The following LDB2 variants were observed in gnomAD, a reference collection of about 807,000 sequenced individuals.
The protein encoded by LDB2 is LIM domain binding 2, also known as LIM domain-binding protein 2.
A neutral mutation model predicts 44.3 loss-of-function variants in LDB2; 12 were observed. The ratio of observed to expected loss-of-function variants is 0.27; its 90% CI spans 0.17 to 0.44. The LOEUF is 0.44. Among genes scored for constraint, LDB2 ranks in the 20% least tolerant of loss-of-function variants. The pLI is 1.00. For missense variants in LDB2, 344 were observed against 473.5 expected (o/e 0.73, Z 2.54); for synonymous variants, 164 against 174.8 (o/e 0.94, Z 0.49).
chr4:16,684,649 G>C (rs1748761226), intron 2 of LDB2, among the ~76,000 whole-genome samples: 1 of 152,134 alleles, frequency 6.6e-6, no homozygotes, highest in Non-Finnish European at 1.5e-5. Context: ...GAAAAGTCTA[G>C]ATCTAATATA....
chr4:16,736,870 C>A (rs1762011469), intron 2 of LDB2, among the ~76,000 whole-genome samples: 1 of 152,068 alleles, frequency 6.6e-6, no homozygotes, highest in Admixed American at 6.5e-5. Context: ...AAAACCCGAA[C>A]CAGAAACACA....
At chr4:16,837,100 G>T (rs1485344172) in intron 1 of LDB2, among the ~76,000 whole-genome samples, 1 of 152,164 alleles carries the variant, frequency 6.6e-6, no homozygotes, top group African/African-American at 2.4e-5. Context: ...GAATTATTCA[G>T]TTCAGTGTTA....
At chr4:16,622,677 T>C (rs754230176) in intron 2 of LDB2, among the ~76,000 whole-genome samples, 5 of 152,212 alleles carry the variant, frequency 3.3e-5, no homozygotes, top group Non-Finnish European at 7.4e-5. Flanking sequence ...TATTTTTTAA[T>C]AGTCCAGTAG....
intron 1 of LDB2, among the ~76,000 whole-genome samples, chr4:16,868,795 T>A (rs1715533363): frequency 2.0e-5 from 3 of 152,138 alleles, no homozygotes; most frequent in Admixed American, 6.5e-5. Context: ...TTTCTTCTCA[T>A]AGGATGATGA....
intron 2 of LDB2, among the ~76,000 whole-genome samples, chr4:16,640,978 T>C (rs760709209): frequency 3.3e-5 from 5 of 152,162 alleles, no homozygotes; most frequent in Non-Finnish European, 7.3e-5. Flanking sequence ...CTTGTCCCCA[T>C]GATGATTACC....
At chr4:16,513,703 T>C (rs1342695027) in intron 5 of LDB2, among the ~76,000 whole-genome samples, 2 of 152,182 alleles carry the variant, frequency 1.3e-5, no homozygotes, top group African/African-American at 4.8e-5. Flanking sequence ...TATACCCCTG[T>C]TGGGGCTCAG....
chr4:16,852,568 T>C (rs1431857659), intron 1 of LDB2, among the ~76,000 whole-genome samples: 2 of 152,204 alleles, frequency 1.3e-5, no homozygotes, highest in East Asian at 3.8e-4. Flanking sequence ...CATCAGAATA[T>C]ATAGCATGAA....
chr4:16,511,997 C>T lies in LDB2; in HGVS notation c.723G>A (p.Arg241=). 1 of 1,613,304 alleles carries T rather than the reference C, an allele frequency of 6.2e-7. No homozygotes were observed. The highest frequency in any genetic ancestry group is 1.1e-5 in the South Asian group (1 of 90,964). The change falls in exon 6 of 8, where the codon AGG becomes AGA. Residue 241 remains arginine (R), a synonymous_variant. Transcript: ENST00000304523. ...LKTCLFQKWQ[R]MVAPPAEPTR... is the part of the protein sequence containing the mutation. The stretch of plus-strand genomic sequence containing the variant: ...AGGGTGTACCTGGCGGAGCCACCAT[C>T]CTCTGCCACTTCTGAAACAAGCAGG...
Position 16,885,004 on chromosome 4 carries a change from G to A in LDB2, c.132+13350C>T, listed in dbSNP as rs1310965542. ...CTATGGGAGAGGACATAATCTTATTGTACAACCTATGTTGTACTAGAAGCA... is the reference window on the plus strand; with the variant it reads ...CTATGGGAGAGGACATAATCTTATTATACAACCTATGTTGTACTAGAAGCA... On this transcript the variant is annotated intron_variant, in intron 1 of 7. Coordinates refer to ENST00000304523, the MANE Select transcript of LDB2 (RefSeq NM_001290.5). 2.0e-5 allele frequency among the ~76,000 whole-genome samples: 3 copies of A among 152,004 alleles called. No homozygotes were observed. The East Asian group carries it at 5.8e-4, about 29-fold the overall frequency.
intron 2 of LDB2, among the ~76,000 whole-genome samples, chr4:16,757,377 G>A (rs1159142615): frequency 6.6e-6 from 1 of 152,120 alleles, no homozygotes; most frequent in Non-Finnish European, 1.5e-5. Context: ...AAGAGGCCTG[G>A]GCAACAATGG....
chr4:16,789,336 C>T lies in LDB2; in HGVS notation c.133-30076G>A, dbSNP rs188507360. 2.6e-4 allele frequency among the ~76,000 whole-genome samples: 40 copies of T among 152,302 alleles called. No homozygotes were observed. The South Asian group carries it at 2.7e-3, about 10-fold the overall frequency. ...GGCCTACGATGAGTCAGATGTTGAA[C>T]TAGGAGATGGAGGAAAATGCAGTGA... On this transcript the variant is annotated intron_variant, in intron 1 of 7. Coordinates refer to ENST00000304523, the MANE Select transcript of LDB2 (RefSeq NM_001290.5).
At chr4:16,707,147 A>C (rs1010031200) in intron 2 of LDB2, among the ~76,000 whole-genome samples, 1 of 152,208 alleles carries the variant, frequency 6.6e-6, no homozygotes, top group African/African-American at 2.4e-5. Flanking sequence ...CTTAAAAAAA[A>C]TTGATGAAAT....
chr4:16,705,323 T>C (rs1482486491), intron 2 of LDB2, among the ~76,000 whole-genome samples: 1 of 152,050 alleles, frequency 6.6e-6, no homozygotes, highest in Non-Finnish European at 1.5e-5. Flanking sequence ...ATAGGCAGGG[T>C]CTATTTTTTC....
intron 1 of LDB2, among the ~76,000 whole-genome samples, chr4:16,767,033 AG>A (rs1411225025): frequency 6.6e-6 from 1 of 152,202 alleles, no homozygotes; most frequent in East Asian, 1.9e-4. Flanking sequence ...GCCTAGACAT[AG>A]GGTTTGTACC....
At chr4:16,872,903 A>C (rs1193490731) in intron 1 of LDB2, among the ~76,000 whole-genome samples, 2 of 152,214 alleles carry the variant, frequency 1.3e-5, no homozygotes, top group Admixed American at 1.3e-4. Flanking sequence ...ACTATATTCA[A>C]AGCAAGGCTG....
chr4:16,576,335 T>G (rs1430409258), intron 5 of LDB2, among the ~76,000 whole-genome samples: 1 of 151,676 alleles, frequency 6.6e-6, no homozygotes, highest in Non-Finnish European at 1.5e-5. Context: ...TAGAAAAACC[T>G]TGAGCCAGAT....
intron 2 of LDB2, among the ~76,000 whole-genome samples, chr4:16,623,564 T>C (rs376894291): frequency 9.1e-4 from 139 of 152,236 alleles, no homozygotes; most frequent in African/African-American, 2.9e-3. Flanking sequence ...GCCACTGCAC[T>C]GTAGCGTGGC....
chr4:16,832,570 T>C (rs1784250969), intron 1 of LDB2, among the ~76,000 whole-genome samples: 1 of 152,238 alleles, frequency 6.6e-6, no homozygotes, highest in Admixed American at 6.5e-5. Flanking sequence ...TCTAAGCACA[T>C]TGACACTAAC....
At chr4:16,667,383 G>A (rs918110525) in intron 2 of LDB2, among the ~76,000 whole-genome samples, 2 of 152,146 alleles carry the variant, frequency 1.3e-5, no homozygotes, top group South Asian at 2.1e-4. Context: ...CTCTTGACAA[G>A]CCCATGGGCA....
Sources: allele counts gnomAD v4.1 joint callset (sites outside exome capture counted in the v4.1 genomes callset), GRCh38; gene constraint gnomAD v4.1.1; transcripts MANE v1.5; gene names NCBI Gene and HGNC (gene_info 2026-07-23, HGNC 2026-07-21).